Variants in KRABD2 observed in about 807,000 individuals in gnomAD.
KRABD2 encodes the protein KRAB domain containing 2, also known as KRAB domain-containing protein 2.
chr17:8,363,178 G>T, the KRABD2 span, among the ~76,000 whole-genome samples: 2 of 152,120 alleles, frequency 1.3e-5, no homozygotes, highest in African/African-American at 4.8e-5. Flanking sequence ...AGAACTAGTG[G>T]AATACAGAAG....
chr17:8,375,183 T>C, the KRABD2 span, among the ~76,000 whole-genome samples: 1 of 151,762 alleles, frequency 6.6e-6, no homozygotes, highest in African/African-American at 2.4e-5. Context: ...AGCTAATTTT[T>C]TGTATTTTTA....
chr17:8,368,139 A>G, the KRABD2 span, among the ~76,000 whole-genome samples: 1 of 151,980 alleles, frequency 6.6e-6, no homozygotes, highest in African/African-American at 2.4e-5. Context: ...GGTCCCTAGT[A>G]CCTGTGAATG....
the KRABD2 span, among the ~76,000 whole-genome samples, chr17:8,359,146 C>T: frequency 5.9e-5 from 9 of 152,182 alleles, no homozygotes; most frequent in Non-Finnish European, 1.2e-4. Context: ...GGGTTTGTCT[C>T]TTGTCTCTTC....
At chr17:8,374,901 G>A in the KRABD2 span, among the ~76,000 whole-genome samples, 1 of 100,216 alleles carries the variant, frequency 1.0e-5, no homozygotes, top group Non-Finnish European at 1.8e-5. Flanking sequence ...TCGTGCCTCC[G>A]CACTCCAGCC....
the KRABD2 span, among the ~76,000 whole-genome samples, chr17:8,373,118 G>A: frequency 6.0e-5 from 9 of 150,158 alleles, no homozygotes; most frequent in South Asian, 6.4e-4. Flanking sequence ...CTCCATCTCC[G>A]TCTCCACGGT....
the KRABD2 span, among the ~76,000 whole-genome samples, chr17:8,362,096 G>T: frequency 3.3e-5 from 5 of 152,202 alleles, no homozygotes; most frequent in African/African-American, 4.8e-5. The surrounding 1 kb of genome is among the most constrained non-coding windows in gnomAD (Gnocchi z 4.2). Context: ...GGAGGCCAAG[G>T]TGGGTGGTGG....
chr17:8,368,928 G>A, the KRABD2 span: 65 of 841,208 alleles, frequency 7.7e-5, no homozygotes, highest in African/African-American at 8.3e-4. Flanking sequence ...TGAGCGCTGC[G>A]CCCGGCCAGG....
the KRABD2 span, among the ~76,000 whole-genome samples, chr17:8,370,986 G>T: frequency 0.011 from 1,645 of 152,176 alleles, 32 homozygotes; most frequent in African/African-American, 0.037. Context: ...CTGGCCAACA[G>T]GGTGAAACCC....
chr17:8,369,234 A>C, the KRABD2 span: 1 of 1,614,132 alleles, frequency 6.2e-7, no homozygotes, highest in Non-Finnish European at 8.5e-7. Flanking sequence ...GTCTGCTCCA[A>C]TCTCAGCCCT....
the KRABD2 span, chr17:8,369,215 A>G: frequency 6.2e-7 from 1 of 1,614,126 alleles, no homozygotes; most frequent in East Asian, 2.2e-5. Context: ...CATCGTCCAT[A>G]TCAGATCTGT....
chr17:8,370,291 T>C, the KRABD2 span: 648 of 1,612,786 alleles, frequency 4.0e-4, no homozygotes, highest in Admixed American at 1.3e-3. Context: ...TTTTCTCTCA[T>C]GTTACTTATC....
chr17:8,369,911 C>T, the KRABD2 span: 3 of 1,614,204 alleles, frequency 1.9e-6, no homozygotes, highest in African/African-American at 1.3e-5. Context: ...ACTGTTTACA[C>T]AGAGTCAGAT....
chr17:8,370,153 G>C, the KRABD2 span: 2 of 1,613,890 alleles, frequency 1.2e-6, no homozygotes, highest in Non-Finnish European at 1.7e-6. Context: ...CGATAATCAC[G>C]TGATGACTTC....
chr17:8,359,495 T>C, the KRABD2 span: 2 of 435,450 alleles, frequency 4.6e-6, no homozygotes, highest in South Asian at 3.3e-5. Context: ...AGTCTCTTTA[T>C]TTGTTGGTAC....
At chr17:8,376,288 C>T in the KRABD2 span, 1 of 1,228,016 alleles carries the variant, frequency 8.1e-7, no homozygotes, top group African/African-American at 1.6e-5. Context: ...CATTTGCTGA[C>T]TCTTATCATT....
At chr17:8,374,300 G>A in the KRABD2 span, among the ~76,000 whole-genome samples, 3 of 152,198 alleles carry the variant, frequency 2.0e-5, no homozygotes, top group Non-Finnish European at 4.4e-5. Context: ...TTCTGCCTTG[G>A]GATGCTATTA....
the KRABD2 span, chr17:8,369,837 A>G: frequency 8.5e-5 from 137 of 1,614,082 alleles, no homozygotes; most frequent in Non-Finnish European, 1.1e-4. Context: ...TGTGGAGTCT[A>G]TGTCCTTAAA....
chr17:8,376,653 A>C, the KRABD2 span: 3 of 985,460 alleles, frequency 3.0e-6, no homozygotes, highest in South Asian at 1.4e-4. Context: ...GGGACACACC[A>C]GACGCGGCGT....
the KRABD2 span, among the ~76,000 whole-genome samples, chr17:8,362,016 G>A: frequency 2.6e-5 from 4 of 152,056 alleles, no homozygotes; most frequent in African/African-American, 4.8e-5. The surrounding 1 kb of genome is among the most constrained non-coding windows in gnomAD (Gnocchi z 4.2). Context: ...TTGTAGGATC[G>A]TAAGGATTAC....
Sources: allele counts gnomAD v4.1 joint callset (sites outside exome capture counted in the v4.1 genomes callset), GRCh38; gene constraint gnomAD v4.1.1; non-coding constraint Gnocchi (gnomAD v3.1); transcripts MANE v1.5; gene names NCBI Gene and HGNC (gene_info 2026-07-23, HGNC 2026-07-21).